The following ARHGAP42 variants were observed in gnomAD, a reference collection of about 807,000 sequenced individuals.
ARHGAP42 encodes Rho GTPase activating protein 42.
A neutral mutation model predicts 125.0 loss-of-function variants in ARHGAP42; 63 were observed. The observed-to-expected ratio is 0.50, with a 90% CI of 0.41 to 0.62. The LOEUF is 0.62. Ranked by LOEUF, ARHGAP42 falls within the 20% of genes least tolerant of loss-of-function variation. The probability of loss-of-function intolerance (pLI) is 0.00; values close to 1 mark genes in which losing one functional copy is unlikely to be tolerated. For synonymous variants in ARHGAP42, 339 were observed against 351.0 expected (o/e 0.97, Z 0.38); for missense variants, 766 against 1,024.2 (o/e 0.75, Z 3.44).
chr11:100,900,361 T>G (rs1322617708), intron 4 of ARHGAP42, among the ~76,000 whole-genome samples: 1 of 152,208 alleles, frequency 6.6e-6, no homozygotes, highest in Non-Finnish European at 1.5e-5. Flanking sequence ...ATTTCAACCT[T>G]GGTGAATCTG....
At chr11:100,839,382 A>G (rs1864889916) in intron 3 of ARHGAP42, 1 of 152,206 alleles carries the variant, frequency 6.6e-6, no homozygotes, top group Admixed American at 6.5e-5. Flanking sequence ...TCACCATGGT[A>G]GTGTTGGAGT....
At chr11:100,970,842 G>A (rs919798292) in intron 17 of ARHGAP42, among the ~76,000 whole-genome samples, 1 of 152,052 alleles carries the variant, frequency 6.6e-6, no homozygotes, top group Non-Finnish European at 1.5e-5. Context: ...TAGATGTCTG[G>A]CTAGTTGGAG....
intron 3 of ARHGAP42, among the ~76,000 whole-genome samples, chr11:100,826,025 G>A (rs1864508207): frequency 6.6e-6 from 1 of 152,000 alleles, no homozygotes. Context: ...GAGTCCAAGT[G>A]GGTAGACGAG....
chr11:100,757,581 A>G (rs552664327), intron 1 of ARHGAP42, among the ~76,000 whole-genome samples: 2 of 152,214 alleles, frequency 1.3e-5, no homozygotes, highest in South Asian at 4.1e-4. Flanking sequence ...CATCATCTCT[A>G]TTGTGATACC....
intron 4 of ARHGAP42, among the ~76,000 whole-genome samples, chr11:100,866,712 A>T (rs1427071539): frequency 2.0e-5 from 3 of 152,176 alleles, no homozygotes; most frequent in Non-Finnish European, 4.4e-5. Flanking sequence ...CACTCTCATG[A>T]GACTAGCAAG....
intron 16 of ARHGAP42, among the ~76,000 whole-genome samples, chr11:100,965,136 C>G (rs1414106502): frequency 6.6e-6 from 1 of 152,050 alleles, no homozygotes. Context: ...CACTCACTAT[C>G]AAGAGAACAG....
chr11:100,810,830 A>G (rs1022923494), intron 3 of ARHGAP42, among the ~76,000 whole-genome samples: 2 of 152,246 alleles, frequency 1.3e-5, no homozygotes, highest in South Asian at 2.1e-4. Flanking sequence ...ATTGACATCT[A>G]GTAAAGTTTT....
intron 3 of ARHGAP42, among the ~76,000 whole-genome samples, chr11:100,824,498 T>G (rs553334): frequency 0.052 from 7,929 of 152,180 alleles, 334 homozygotes; most frequent in African/African-American, 0.13. Flanking sequence ...TTGCACTAGC[T>G]TCTACACTGG....
intron 22 of ARHGAP42, among the ~76,000 whole-genome samples, chr11:100,984,873 G>A (rs758016395): frequency 3.3e-5 from 5 of 152,132 alleles, no homozygotes; most frequent in Admixed American, 2.6e-4. Context: ...GGAAGCGTTA[G>A]CACCTGAGGA....
chr11:100,878,553 A>T (rs530225789), intron 4 of ARHGAP42, among the ~76,000 whole-genome samples: 1 of 152,288 alleles, frequency 6.6e-6, no homozygotes, highest in East Asian at 1.9e-4. Flanking sequence ...GGGTGAGGGA[A>T]AGGAAAGTGG....
rs186172423 is a variant in ARHGAP42 at position 100,733,316 on chromosome 11, A to T, written c.155-37027A>T. Reference sequence around the variant, plus strand: ...AAAGGCCCTTGGCAAAATGCTTAGCACATAGTAAGTGCTTAATAAATGTTA... The same window carrying T: ...AAAGGCCCTTGGCAAAATGCTTAGCTCATAGTAAGTGCTTAATAAATGTTA... On this transcript the variant is annotated intron_variant, in intron 1 of 23. Transcript: ENST00000298815. Among the ~76,000 whole-genome samples, 195 of 152,374 alleles carry T rather than the reference A, an allele frequency of 1.3e-3. 1 individual carries two copies. Among genetic ancestry groups the T allele is most frequent in the Middle Eastern group, 6.8e-3 (2 of 294 alleles).
At position 100,936,330 on chromosome 11, in the gene ARHGAP42, A is replaced by C. The variant is rs1276589887; in HGVS notation, c.830A>C (p.Lys277Thr). 6.4e-7 allele frequency: 1 copy of C among 1,551,370 alleles called. No individual in the cohort carries two copies. The highest frequency in any genetic ancestry group is 8.7e-7 in the Non-Finnish European group (1 of 1,146,846). ...GAAGGCTATCTGTATGTCCAGGAGA[A>C]ACGTGAGTCACAAAGACATAATTTC... ...TMEGYLYVQEKRPLGFTWIKH... is the reference protein window; with the variant it reads ...TMEGYLYVQETRPLGFTWIKH... Residue 277 changes from lysine (K) to threonine (T), a missense_variant and splice_region_variant, in exon 8 of 24, where the codon AAA becomes ACA. By Grantham distance (78) the Lys-to-Thr change is moderately conservative. Around this residue, in one of 3 missense-constraint regions of ARHGAP42, gnomAD observed 455 missense variants for 636.5 expected, o/e 0.71. Coordinates refer to ENST00000298815, the MANE Select transcript of ARHGAP42 (RefSeq NM_152432.4).
intron 3 of ARHGAP42, among the ~76,000 whole-genome samples, chr11:100,810,389 G>A (rs545713479): frequency 3.1e-4 from 47 of 152,258 alleles, no homozygotes; most frequent in Admixed American, 1.6e-3. Context: ...GTTAACCACC[G>A]GCTGGTCCTG....
intron 1 of ARHGAP42, among the ~76,000 whole-genome samples, chr11:100,737,931 ATTTC>A (rs1213412914): frequency 6.6e-6 from 1 of 152,194 alleles, no homozygotes; most frequent in Non-Finnish European, 1.5e-5. Flanking sequence ...GCACGTGGTC[ATTTC>A]TTTTTTTCAT....
At chr11:100,703,130 A>G (rs1375706247) in intron 1 of ARHGAP42, among the ~76,000 whole-genome samples, 2 of 152,180 alleles carry the variant, frequency 1.3e-5, no homozygotes, top group African/African-American at 4.8e-5. Flanking sequence ...GTTTCGTATT[A>G]CTTTCAGCAG....
intron 4 of ARHGAP42, among the ~76,000 whole-genome samples, chr11:100,862,151 TGA>T (rs1865458870): frequency 6.6e-6 from 1 of 152,090 alleles, no homozygotes; most frequent in African/African-American, 2.4e-5. Flanking sequence ...CAGCAAACTG[TGA>T]GGTGTGGGTA....
At chr11:100,951,766 A>G (rs761322749) in intron 12 of ARHGAP42, among the ~76,000 whole-genome samples, 3 of 152,152 alleles carry the variant, frequency 2.0e-5, no homozygotes, top group Non-Finnish European at 4.4e-5. Flanking sequence ...CTTCAATTAT[A>G]ATTATAAAAT....
At chr11:100,967,455 G>T (rs774618350) in intron 17 of ARHGAP42, among the ~76,000 whole-genome samples, 1 of 152,126 alleles carries the variant, frequency 6.6e-6, no homozygotes, top group Non-Finnish European at 1.5e-5. Context: ...AGTGAAAGTT[G>T]ATTTCTCCTA....
intron 7 of ARHGAP42, among the ~76,000 whole-genome samples, chr11:100,935,147 T>TA (rs372302383): frequency 6.8e-6 from 1 of 146,712 alleles, no homozygotes; most frequent in Non-Finnish European, 1.5e-5. Context: ...TTTTTTTTTT[T>TA]AAAATGGGGA....
Sources: allele counts gnomAD v4.1 joint callset (sites outside exome capture counted in the v4.1 genomes callset), GRCh38; gene constraint gnomAD v4.1.1; regional missense constraint gnomAD v4.1.1; transcripts MANE v1.5; gene names NCBI Gene and HGNC (gene_info 2026-07-23, HGNC 2026-07-21).